STK32B: variants seen among roughly 807,000 people sequenced by gnomAD.
STK32B encodes serine/threonine kinase 32B, also known as serine/threonine-protein kinase 32B.
STK32B carries 43 observed loss-of-function variants against 52.6 expected under a neutral mutation model. That is an observed-to-expected ratio of 0.82 (90% CI 0.64 to 1.05). The LOEUF (loss-of-function observed/expected upper bound fraction) is 1.05, where lower values mean the gene tolerates loss of function less well. STK32B is among the 50% of genes least tolerant of loss of function. The probability of loss-of-function intolerance (pLI) is 0.00; values close to 1 mark genes in which losing one functional copy is unlikely to be tolerated. For missense variants in STK32B, 621 were observed against 534.6 expected, an observed-to-expected ratio of 1.16 and a Z score of -1.59; for synonymous variants, 238 against 204.3, an observed-to-expected ratio of 1.17 and a Z score of -1.41.
chr4:5,304,422 GGT>G (rs1729780153), intron 3 of STK32B, among the ~76,000 whole-genome samples: 1 of 124,054 alleles, frequency 8.1e-6, no homozygotes, highest in African/African-American at 4.8e-5. Context: ...AGTATTTTAT[GGT>G]TTTTTTTTTT....
At chr4:5,100,859 T>C (rs977764140) in intron 1 of STK32B, among the ~76,000 whole-genome samples, 1 of 149,976 alleles carries the variant, frequency 6.7e-6, no homozygotes, top group Non-Finnish European at 1.5e-5. Flanking sequence ...ATTCTTTCTT[T>C]CCTCTCCTTC....
chr4:5,116,161 C>T (rs1257206797), intron 1 of STK32B, among the ~76,000 whole-genome samples: 1 of 151,662 alleles, frequency 6.6e-6, no homozygotes, highest in Non-Finnish European at 1.5e-5. Context: ...TATATGCTCA[C>T]TCAGATGTGT....
At chr4:5,358,849 G>A (rs1368787454) in intron 4 of STK32B, among the ~76,000 whole-genome samples, 1 of 152,188 alleles carries the variant, frequency 6.6e-6, no homozygotes, top group Non-Finnish European at 1.5e-5. Context: ...ACAGAGACAG[G>A]TAGTGACAAA....
At chr4:5,404,860 G>A (rs1165489529) in intron 5 of STK32B, among the ~76,000 whole-genome samples, 2 of 141,720 alleles carry the variant, frequency 1.4e-5, no homozygotes, top group African/African-American at 5.5e-5. Context: ...TTCTCTGTAT[G>A]CGATTTTTTT....
chr4:5,061,242 T>C (rs973326991), intron 1 of STK32B, among the ~76,000 whole-genome samples: 6 of 152,220 alleles, frequency 3.9e-5, no homozygotes, highest in Non-Finnish European at 7.3e-5. Context: ...ATCTCTTTTT[T>C]AGTCACTTCA....
At chr4:5,051,073 G>C (rs1741750008), upstream of STK32B, among the ~76,000 whole-genome samples, 1 of 152,098 alleles carries the variant, frequency 6.6e-6, no homozygotes, top group Non-Finnish European at 1.5e-5. Flanking sequence ...AACAGCGTCG[G>C]TTGGAGAGCC....
At chr4:5,178,042 C>G (rs1332276418) in intron 3 of STK32B, among the ~76,000 whole-genome samples, 1 of 152,228 alleles carries the variant, frequency 6.6e-6, no homozygotes, top group East Asian at 1.9e-4. Context: ...CTAGGCAGTG[C>G]CCCAGTGGGG....
intron 5 of STK32B, among the ~76,000 whole-genome samples, chr4:5,403,586 A>G (rs747062826): frequency 6.6e-6 from 1 of 152,190 alleles, no homozygotes; most frequent in Non-Finnish European, 1.5e-5. Context: ...ACTGTATTTT[A>G]TAACACTCAT....
chr4:5,471,571 A>G (rs945469455), intron 11 of STK32B, among the ~76,000 whole-genome samples: 1 of 152,088 alleles, frequency 6.6e-6, no homozygotes, highest in Non-Finnish European at 1.5e-5. Flanking sequence ...GTTTAAAGCC[A>G]CCCAGTTGGT....
At chr4:5,343,578 G>T (rs900986868) in intron 4 of STK32B, among the ~76,000 whole-genome samples, 1 of 152,070 alleles carries the variant, frequency 6.6e-6, no homozygotes, top group African/African-American at 2.4e-5. Flanking sequence ...CATAATTCAA[G>T]ATGGATTAAA....
At chr4:5,109,876 C>T (rs1354351886) in intron 1 of STK32B, among the ~76,000 whole-genome samples, 2 of 152,060 alleles carry the variant, frequency 1.3e-5, no homozygotes, top group African/African-American at 4.8e-5. Context: ...CTTGAAGACT[C>T]CTCTAGAAGA....
At chr4:5,149,393 C>CT (rs976768735) in intron 2 of STK32B, among the ~76,000 whole-genome samples, 1 of 151,758 alleles carries the variant, frequency 6.6e-6, no homozygotes, top group African/African-American at 2.4e-5. Context: ...CTTACCTCTT[C>CT]TTTTTTTCTT....
At chr4:5,028,027 C>T in the STK32B span, among the ~76,000 whole-genome samples, 1 of 152,236 alleles carries the variant, frequency 6.6e-6, no homozygotes, top group Non-Finnish European at 1.5e-5. Context: ...AGAGTTCCTT[C>T]AGCTTGAGCT....
At chr4:5,156,471 C>G (rs2108714575) in intron 2 of STK32B, among the ~76,000 whole-genome samples, 1 of 152,238 alleles carries the variant, frequency 6.6e-6, no homozygotes, top group Admixed American at 6.5e-5. Context: ...TCGTCCAGCC[C>G]CTACTCTTCA....
intron 3 of STK32B, among the ~76,000 whole-genome samples, chr4:5,203,004 T>C (rs766328700): frequency 3.6e-4 from 55 of 152,214 alleles, no homozygotes; most frequent in Non-Finnish European, 6.8e-4. Context: ...TGGAAAGGGC[T>C]TGGATGTTGC....
intron 3 of STK32B, among the ~76,000 whole-genome samples, chr4:5,190,423 C>G (rs1039189819): frequency 1.8e-4 from 27 of 152,094 alleles, no homozygotes; most frequent in Non-Finnish European, 3.8e-4. Context: ...GGTTAGAAAA[C>G]CTGTAGAGGA....
chr4:5,500,238 CA>C lies in STK32B; in HGVS notation c.*1158del, dbSNP rs1226044649. ...TACTAACTAACTGGGAGACCTTAGG[CA>C]AAGCATGCAATCGCTCTGAATGGCA... On this transcript the variant is annotated 3_prime_UTR_variant, in exon 12 of 12. Coordinates refer to ENST00000282908, the MANE Select transcript of STK32B (RefSeq NM_018401.3). 1 of 152,122 alleles carries C rather than the reference CA, an allele frequency of 6.6e-6. No individual in the cohort carries two copies. The highest frequency in any genetic ancestry group is 1.5e-5 in the Non-Finnish European group (1 of 68,040). The allele number at this position is 152,122 out of a possible 1,614,324, so 9.4% of individuals were successfully genotyped here.
At chr4:5,074,179 A>AATAT (rs202089861) in intron 1 of STK32B, among the ~76,000 whole-genome samples, 21,205 of 126,790 alleles carry the variant, frequency 0.17, 1,764 homozygotes, top group Non-Finnish European at 0.23. Flanking sequence ...TTCATTTGTA[A>AATAT]ATATATATAT....
intron 1 of STK32B, among the ~76,000 whole-genome samples, chr4:5,126,311 TC>T (rs1316604755): frequency 2.0e-5 from 3 of 152,164 alleles, no homozygotes; most frequent in Non-Finnish European, 4.4e-5. Context: ...CCTCCATCCC[TC>T]CCTTGTTCTC....
Sources: allele counts gnomAD v4.1 joint callset (sites outside exome capture counted in the v4.1 genomes callset), GRCh38; gene constraint gnomAD v4.1.1; transcripts MANE v1.5; gene names NCBI Gene and HGNC (gene_info 2026-07-23, HGNC 2026-07-21).